Variants in CHD1L observed in about 807,000 individuals in gnomAD.
CHD1L encodes the protein chromodomain helicase DNA binding protein 1 like.
In CHD1L, 118 loss-of-function variants were observed where a neutral mutation model predicts 115.9. That is an observed-to-expected ratio of 1.02 (90% CI 0.88 to 1.19). The LOEUF (loss-of-function observed/expected upper bound fraction) is 1.19. CHD1L is among the 50% of genes most tolerant of loss of function. CHD1L has a pLI of 0.00. For synonymous variants in CHD1L, 411 were observed against 387.1 expected (o/e 1.06, Z -0.72); for missense variants, 1,179 against 1,065.3 (o/e 1.11, Z -1.49).
intron 14 of CHD1L, among the ~76,000 whole-genome samples, chr1:147,278,387 G>C (rs1553959499): frequency 6.6e-6 from 1 of 151,802 alleles, no homozygotes; most frequent in African/African-American, 2.4e-5. Flanking sequence ...ACCACGCCTA[G>C]CTAATTTTTG....
At chr1:147,247,592 A>T (rs1667016187) in intron 1 of CHD1L, among the ~76,000 whole-genome samples, 1 of 152,188 alleles carries the variant, frequency 6.6e-6, no homozygotes, top group Non-Finnish European at 1.5e-5. Context: ...TAGAACCATG[A>T]GCCAAATAAA....
chr1:147,283,131 T>C (rs1553963053), intron 15 of CHD1L, among the ~76,000 whole-genome samples: 2 of 152,232 alleles, frequency 1.3e-5, no homozygotes, highest in Non-Finnish European at 2.9e-5. Context: ...GAGAATTGCA[T>C]GCAGTATGAA....
chr1:147,238,457 C>T (rs1664658090), upstream of CHD1L, among the ~76,000 whole-genome samples: 1 of 152,360 alleles, frequency 6.6e-6, no homozygotes, highest in South Asian at 2.1e-4. Context: ...CTAAGTCCCA[C>T]TGACAGTGTT....
At chr1:147,208,788 G>A in the CHD1L span, 29 of 1,368,384 alleles carry the variant, frequency 2.1e-5, no homozygotes, top group Non-Finnish European at 2.9e-5. Context: ...CTATTAGCCA[G>A]TGTGAAGAGT....
At chr1:147,211,866 C>T in the CHD1L span, among the ~76,000 whole-genome samples, 5 of 152,164 alleles carry the variant, frequency 3.3e-5, no homozygotes, top group Admixed American at 6.5e-5. Flanking sequence ...ACAGTTTGGA[C>T]GCTATACGGA....
intron 8 of CHD1L, among the ~76,000 whole-genome samples, chr1:147,266,389 G>A (rs952368768): frequency 9.2e-5 from 14 of 152,140 alleles, no homozygotes; most frequent in Admixed American, 3.3e-4. Flanking sequence ...TGTCAGATAC[G>A]GTAGTCCACC....
At position 147,275,986 on chromosome 1, in the gene CHD1L, C is replaced by T. The variant is rs903062733; in HGVS notation, c.1386-118C>T. 5 of 1,006,412 alleles carry T rather than the reference C, an allele frequency of 5.0e-6. No individual in the cohort carries two copies. The East Asian group carries it at 9.7e-5, about 19-fold the overall frequency. The allele number at this position is 1,006,412 out of a possible 1,614,324, so 62.3% of individuals were successfully genotyped here. A position where few individuals can be genotyped will look rare whatever the true frequency, so the allele number is the denominator to read the frequency against. On this transcript the variant is annotated intron_variant, in intron 13 of 22. Coordinates refer to ENST00000369258, the MANE Select transcript of CHD1L (RefSeq NM_004284.6). ...GGACCAAATGAACCAATCTCCCTTT[C>T]ATTGTACCCTGAATATGGTATTTGG...
At chr1:147,222,840 T>C in the CHD1L span, among the ~76,000 whole-genome samples, 1 of 152,198 alleles carries the variant, frequency 6.6e-6, no homozygotes, top group South Asian at 2.1e-4. Context: ...GACAAGATGA[T>C]GGATGCCCTC....
At chr1:147,244,691 CT>C (rs1303530735) in intron 1 of CHD1L, among the ~76,000 whole-genome samples, 7 of 150,022 alleles carry the variant, frequency 4.7e-5, no homozygotes, top group Middle Eastern at 3.5e-3. Flanking sequence ...GAAATCATAA[CT>C]TTTTTTCCTT....
the CHD1L span, among the ~76,000 whole-genome samples, chr1:147,205,775 T>C: frequency 6.6e-6 from 1 of 152,070 alleles, no homozygotes; most frequent in Non-Finnish European, 1.5e-5. Context: ...TCAAAATGGA[T>C]TAAAGACTTA....
intron 14 of CHD1L, among the ~76,000 whole-genome samples, chr1:147,276,798 C>T (rs1678638928): frequency 1.3e-5 from 2 of 152,254 alleles, no homozygotes; most frequent in Middle Eastern, 3.4e-3. Context: ...TGGAAGAGGA[C>T]TTAGAGTTAC....
chr1:147,200,593 C>CTT, the CHD1L span, among the ~76,000 whole-genome samples: 1,841 of 149,796 alleles, frequency 0.012, 35 homozygotes, highest in African/African-American at 0.041. Context: ...ACCTATTCCC[C>CTT]TTTTTTTTTC....
intron 6 of CHD1L, 43 bp downstream of exon 6, chr1:147,259,961 TTTTAAA>T (rs1671379553): frequency 7.2e-7 from 1 of 1,380,374 alleles, no homozygotes; most frequent in South Asian, 1.2e-5. Context: ...AACCCCTTCT[TTTTAAA>T]TATACATTAT....
intron 1 of CHD1L, among the ~76,000 whole-genome samples, chr1:147,249,048 G>A (rs1159892229): frequency 6.6e-6 from 1 of 152,108 alleles, no homozygotes; most frequent in Non-Finnish European, 1.5e-5. Context: ...ATGTTCCAAG[G>A]TTCCATCTTT....
chr1:147,243,549 T>A (rs1193122418), intron 1 of CHD1L, among the ~76,000 whole-genome samples: 13 of 152,128 alleles, frequency 8.5e-5, no homozygotes, highest in Admixed American at 8.5e-4. Context: ...GCTGCATGGC[T>A]GACCGTACTT....
intron 20 of CHD1L, 137 bp downstream of exon 20, chr1:147,291,689 G>A: frequency 5.8e-6 from 4 of 684,186 alleles, no homozygotes; most frequent in Non-Finnish European, 1.0e-5. Flanking sequence ...CACAGACTAG[G>A]TAGCTTAAAC....
At chr1:147,225,223 T>C in the CHD1L span, 3 of 1,406,030 alleles carry the variant, frequency 2.1e-6, no homozygotes, top group Admixed American at 2.8e-5. Flanking sequence ...TCTGCTGGCA[T>C]GGGGGAGCCC....
intron 6 of CHD1L, among the ~76,000 whole-genome samples, chr1:147,263,092 CA>C (rs1553945393): frequency 6.6e-6 from 1 of 151,894 alleles, no homozygotes; most frequent in Non-Finnish European, 1.5e-5. Flanking sequence ...GATACACTTA[CA>C]TACATACATA....
chr1:147,280,710 C>A (rs945555797), intron 15 of CHD1L, among the ~76,000 whole-genome samples: 1 of 152,084 alleles, frequency 6.6e-6, no homozygotes, highest in African/African-American at 2.4e-5. Context: ...AATTTTCTTT[C>A]CTGAATTTGG....
Sources: gnomAD v4.1 joint callset for allele counts (sites outside exome capture counted in the v4.1 genomes callset) on GRCh38, gnomAD v4.1.1 for gene constraint, MANE v1.5 for transcripts, NCBI Gene and HGNC (gene_info 2026-07-23, HGNC 2026-07-21) for gene names.